Variants in RELCH observed in about 807,000 individuals in gnomAD.
RELCH encodes the protein RAB11 binding and LisH domain, coiled-coil and HEAT repeat containing.
A neutral mutation model predicts 150.3 loss-of-function variants in RELCH; 41 were observed. The ratio of observed to expected loss-of-function variants is 0.27; its 90% confidence interval spans 0.21 to 0.35. The LOEUF is 0.35. RELCH is among the 10% of genes least tolerant of loss of function. The probability of loss-of-function intolerance (pLI) is 1.00; values close to 1 mark genes in which losing one functional copy is unlikely to be tolerated. For synonymous variants in RELCH, 478 were observed against 531.8 expected, an observed-to-expected ratio of 0.90 and a Z score of 1.39; for missense variants, 1,092 against 1,467.8, an observed-to-expected ratio of 0.74 and a Z score of 4.18.
intron 26 of RELCH, among the ~76,000 whole-genome samples, chr18:62,289,885 C>G (rs547564324): frequency 6.6e-6 from 1 of 152,302 alleles, no homozygotes; most frequent in South Asian, 2.1e-4. Flanking sequence ...GGGCCATATT[C>G]AGCTTCTCAT....
rs371637571 is a variant in RELCH at position 62,187,960 on chromosome 18, T to C, written c.455T>C (p.Val152Ala). Residue 152 changes from valine (V) to alanine (A), a missense_variant, in exon 1 of 29, where the codon GTC becomes GCC. Physicochemically the swap from Val to Ala is moderately conservative, Grantham distance 64. Around this residue, in one of 4 missense-constraint regions of RELCH, gnomAD observed 190 missense variants for 276.2 expected, o/e 0.69. Coordinates refer to ENST00000644646, the MANE Select transcript of RELCH (RefSeq NM_001346231.2). ...GTPPGMGAPGVPGAAGVGGAG... is the reference protein window; with the variant it reads ...GTPPGMGAPGAPGAAGVGGAG... Reference sequence around the variant, plus strand: ...CCGCCGGGGATGGGGGCGCCAGGGGTCCCTGGAGCAGCCGGCGTTGGGGGC... The same window carrying C: ...CCGCCGGGGATGGGGGCGCCAGGGGCCCCTGGAGCAGCCGGCGTTGGGGGC... 2 of 1,599,128 alleles carry C rather than the reference T, an allele frequency of 1.3e-6. No homozygotes were observed. Among genetic ancestry groups the C allele is most frequent in the African/African-American group, 2.7e-5 (2 of 74,716 alleles).
intron 13 of RELCH, 83 bp downstream of exon 13, chr18:62,255,561 C>A: frequency 1.1e-6 from 1 of 925,510 alleles, no homozygotes; most frequent in Non-Finnish European, 1.7e-6. Context: ...AGATTTTAAT[C>A]CAAATGTCTC....
At chr18:62,293,163 A>G (rs567920518) in intron 27 of RELCH, among the ~76,000 whole-genome samples, 1 of 152,300 alleles carries the variant, frequency 6.6e-6, no homozygotes, top group African/African-American at 2.4e-5. Flanking sequence ...ATGCCATTTC[A>G]TAATGCAAAG....
chr18:62,264,486 C>T (rs1166626495), intron 17 of RELCH, among the ~76,000 whole-genome samples: 1 of 152,072 alleles, frequency 6.6e-6, no homozygotes, highest in Non-Finnish European at 1.5e-5. Flanking sequence ...GTCACATTAA[C>T]TCTGTACTCG....
At chr18:62,269,022 TGTAA>T (rs1324599987) in intron 20 of RELCH, 74 bp downstream of exon 20, 1 of 653,364 alleles carries the variant, frequency 1.5e-6, no homozygotes, top group East Asian at 2.9e-5. Context: ...GTCTTCTTAA[TGTAA>T]GTGACATTGC....
intron 1 of RELCH, among the ~76,000 whole-genome samples, chr18:62,207,729 C>T (rs2148287485): frequency 6.6e-6 from 1 of 152,304 alleles, no homozygotes; most frequent in South Asian, 2.1e-4. Flanking sequence ...TGGTGGTTCT[C>T]TGTGCATTTA....
intron 1 of RELCH, among the ~76,000 whole-genome samples, chr18:62,191,435 T>C (rs2038627876): frequency 6.6e-6 from 1 of 152,204 alleles, no homozygotes; most frequent in South Asian, 2.1e-4. Flanking sequence ...TTTTTTCACC[T>C]TCAACTTCCA....
intron 16 of RELCH, 88 bp from the exon 17 acceptor site, chr18:62,263,901 G>T: frequency 1.0e-6 from 1 of 952,586 alleles, no homozygotes. Flanking sequence ...AATATGAGGA[G>T]AAAGGACCTT....
At chr18:62,269,146 T>C (rs911886295) in intron 20 of RELCH, among the ~76,000 whole-genome samples, 198 bp downstream of exon 20, 1 of 152,134 alleles carries the variant, frequency 6.6e-6, no homozygotes, top group Non-Finnish European at 1.5e-5. Flanking sequence ...CAAATAAATT[T>C]AGAGATTATG....
At chr18:62,240,505 C>G (rs1044362325) in intron 10 of RELCH, among the ~76,000 whole-genome samples, 10 of 151,006 alleles carry the variant, frequency 6.6e-5, no homozygotes, top group African/African-American at 2.2e-4. Context: ...ACCTTCTGGC[C>G]TCAATAGATC....
chr18:62,197,317 C>T (rs1048724648), intron 1 of RELCH, among the ~76,000 whole-genome samples: 2 of 152,130 alleles, frequency 1.3e-5, no homozygotes, highest in African/African-American at 4.8e-5. Flanking sequence ...ATTATGCTTT[C>T]TACTTTTCAA....
chr18:62,221,569 CTT>C (rs61684460), intron 5 of RELCH, 72 bp downstream of exon 5: 2,392 of 460,686 alleles, frequency 5.2e-3, no homozygotes, highest in Non-Finnish European at 5.8e-3. Context: ...TACGTAGTTT[CTT>C]TTTTTTTTTT....
intron 18 of RELCH, 110 bp from the exon 19 acceptor site, chr18:62,266,591 T>C: frequency 1.6e-6 from 1 of 628,186 alleles, no homozygotes; most frequent in Non-Finnish European, 2.8e-6. Flanking sequence ...TAGTCATCTA[T>C]AAAGCTAAAT....
chr18:62,239,252 A>G (rs2042022622), intron 10 of RELCH, among the ~76,000 whole-genome samples: 1 of 151,966 alleles, frequency 6.6e-6, no homozygotes, highest in South Asian at 2.1e-4. Flanking sequence ...GAAATTATAG[A>G]TATTTAATAT....
chr18:62,256,342 T>C (rs186478082), intron 13 of RELCH, among the ~76,000 whole-genome samples: 100 of 152,218 alleles, frequency 6.6e-4, no homozygotes, highest in African/African-American at 2.3e-3. Context: ...CTACTAACAG[T>C]ACCTTGGAGT....
At chr18:62,254,050 C>A (rs991695274) in intron 12 of RELCH, among the ~76,000 whole-genome samples, 2 of 152,132 alleles carry the variant, frequency 1.3e-5, no homozygotes, top group South Asian at 4.1e-4. Flanking sequence ...TTCGGTTCTC[C>A]TCTTTCAAGA....
chr18:62,269,527 T>C (rs911906125), intron 20 of RELCH: 12 of 241,514 alleles, frequency 5.0e-5, no homozygotes, highest in African/African-American at 2.3e-4. Context: ...TTTTATACAA[T>C]ATTTTAAATA....
At chr18:62,288,496 A>T (rs1600248990) in intron 26 of RELCH, among the ~76,000 whole-genome samples, 2 of 152,102 alleles carry the variant, frequency 1.3e-5, no homozygotes, top group South Asian at 4.1e-4. Flanking sequence ...CAAATAGAGA[A>T]AGTAGAAAAG....
intron 16 of RELCH, among the ~76,000 whole-genome samples, chr18:62,262,636 C>G (rs535953762): frequency 6.6e-6 from 1 of 152,116 alleles, no homozygotes; most frequent in South Asian, 2.1e-4. Context: ...AAAATTCAGA[C>G]TTTAGATAAG....
Sources: allele counts gnomAD v4.1 joint callset (sites outside exome capture counted in the v4.1 genomes callset), GRCh38; gene constraint gnomAD v4.1.1; regional missense constraint gnomAD v4.1.1; transcripts MANE v1.5; gene names NCBI Gene and HGNC (gene_info 2026-07-23, HGNC 2026-07-21).